GPHN: variants seen among roughly 807,000 people sequenced by gnomAD.
GPHN encodes gephyrin.
In GPHN, 17 loss-of-function variants were observed where a neutral mutation model predicts 95.5. The observed-to-expected ratio is 0.18, with a 90% confidence interval of 0.12 to 0.27. The LOEUF (loss-of-function observed/expected upper bound fraction) is 0.27, where lower values mean the gene tolerates loss of function less well. GPHN is among the 10% of genes least tolerant of loss of function. The pLI is 1.00. For missense variants in GPHN, 660 were observed against 978.1 expected, an observed-to-expected ratio of 0.67 and a Z score of 4.34; for synonymous variants, 320 against 322.5, an observed-to-expected ratio of 0.99 and a Z score of 0.08.
At chr14:66,780,365 C>T (rs1287307280) in intron 3 of GPHN, among the ~76,000 whole-genome samples, 3 of 151,916 alleles carry the variant, frequency 2.0e-5, no homozygotes, top group Non-Finnish European at 1.5e-5. Context: ...TGGAATCTCA[C>T]GGAAAAGTTA....
intron 13 of GPHN, among the ~76,000 whole-genome samples, chr14:67,108,209 G>T (rs912158576): frequency 6.6e-6 from 1 of 152,160 alleles, no homozygotes; most frequent in Non-Finnish European, 1.5e-5. Flanking sequence ...ATCTGTGGGA[G>T]AGGACTGCCC....
chr14:67,217,318 A>G, the GPHN span, among the ~76,000 whole-genome samples: 2 of 152,126 alleles, frequency 1.3e-5, no homozygotes, highest in Non-Finnish European at 2.9e-5. Flanking sequence ...AGTAAGTTTC[A>G]TGTAGGCAGC....
the GPHN span, among the ~76,000 whole-genome samples, chr14:67,564,690 T>C: frequency 1.3e-5 from 2 of 149,496 alleles, no homozygotes; most frequent in African/African-American, 5.0e-5. Context: ...TTTTTTCTTT[T>C]CCTTTTTTTT....
At chr14:66,618,813 G>T (rs573703312) in intron 1 of GPHN, among the ~76,000 whole-genome samples, 1 of 152,214 alleles carries the variant, frequency 6.6e-6, no homozygotes, top group African/African-American at 2.4e-5. Context: ...ATGGTTTTAT[G>T]TATTATTCAT....
intron 2 of GPHN, among the ~76,000 whole-genome samples, chr14:66,720,250 CA>C (rs2070611684): frequency 6.6e-6 from 1 of 152,070 alleles, no homozygotes; most frequent in Non-Finnish European, 1.5e-5. Flanking sequence ...GGAATATGTT[CA>C]AATTTAAAGT....
the GPHN span, among the ~76,000 whole-genome samples, chr14:67,622,783 G>A: frequency 5.3e-5 from 8 of 152,210 alleles, no homozygotes; most frequent in African/African-American, 1.4e-4. Context: ...TTGCTCTACC[G>A]TCTGTAGGTT....
At chr14:67,596,863 C>T in the GPHN span, among the ~76,000 whole-genome samples, 3 of 152,314 alleles carry the variant, frequency 2.0e-5, no homozygotes, top group South Asian at 4.1e-4. Context: ...ATGCTATATT[C>T]GGAACTGAGG....
intron 8 of GPHN, among the ~76,000 whole-genome samples, chr14:66,962,291 A>T (rs1199846795): frequency 6.7e-6 from 1 of 149,788 alleles, no homozygotes; most frequent in Non-Finnish European, 1.5e-5. Flanking sequence ...ACAACTGTAT[A>T]TCTGCAATAA....
At chr14:66,626,025 A>G (rs1307229099) in intron 1 of GPHN, among the ~76,000 whole-genome samples, 2 of 152,096 alleles carry the variant, frequency 1.3e-5, no homozygotes, top group African/African-American at 4.8e-5. Flanking sequence ...AAAACTTTTA[A>G]CTTCCTACCT....
At chr14:67,199,306 G>C in the GPHN span, 1 of 1,609,210 alleles carries the variant, frequency 6.2e-7, no homozygotes, top group Non-Finnish European at 8.5e-7. Context: ...TCTATGGGAA[G>C]CCAATACGGG....
rs75438525 is a variant in GPHN at position 66,600,435 on chromosome 14, A to G, written c.65-80672A>G. Among the ~76,000 whole-genome samples the G allele has an allele frequency of 1.4e-3, 211 of 152,260 alleles. 5 individuals are homozygous for G. The East Asian group carries it at 0.023, about 16-fold the overall frequency. The stretch of plus-strand genomic sequence containing the variant: ...TTTGTTCTGTGACGTAGCAGTGAAT[A>G]ATAAATTAGCTCTTACTGGAATTAC... On this transcript the variant is annotated intron_variant, in intron 1 of 22. Transcript: ENST00000478722.
chr14:67,228,266 T>C, the GPHN span: 1 of 208,898 alleles, frequency 4.8e-6, no homozygotes, highest in East Asian at 1.8e-4. Context: ...ATTTTTTATA[T>C]CAAGAAGAAA....
the GPHN span, among the ~76,000 whole-genome samples, chr14:67,379,882 C>T: frequency 6.6e-6 from 1 of 151,830 alleles, no homozygotes; most frequent in African/African-American, 2.4e-5. Context: ...TCTCGATCTC[C>T]TGACCTCGTG....
chr14:66,837,473 T>C (rs1404971569), intron 4 of GPHN, among the ~76,000 whole-genome samples: 8 of 142,754 alleles, frequency 5.6e-5, no homozygotes, highest in Middle Eastern at 3.3e-3. Context: ...AGGGATAGCA[T>C]TGGGAGATAT....
chr14:67,059,009 A>G (rs2075718544), intron 11 of GPHN: 1 of 543,836 alleles, frequency 1.8e-6, no homozygotes. Flanking sequence ...TTTCATTAAA[A>G]AAAGGAAAAA....
the GPHN span, chr14:67,620,995 G>A: frequency 6.2e-7 from 1 of 1,602,612 alleles, no homozygotes; most frequent in African/African-American, 1.3e-5. Flanking sequence ...AGATATTAGT[G>A]CAGGACTAGT....
At chr14:67,607,079 A>G in the GPHN span, among the ~76,000 whole-genome samples, 1 of 152,260 alleles carries the variant, frequency 6.6e-6, no homozygotes, top group African/African-American at 2.4e-5. Context: ...TCTCAGTTTT[A>G]GCAAGATTCT....
At chr14:66,983,045 A>G (rs549517396) in intron 9 of GPHN, among the ~76,000 whole-genome samples, 1 of 152,274 alleles carries the variant, frequency 6.6e-6, no homozygotes, top group South Asian at 2.1e-4. Context: ...TAAGGTCAGG[A>G]GTTCAAGAGC....
At chr14:67,257,939 T>G in the GPHN span, among the ~76,000 whole-genome samples, 2 of 152,170 alleles carry the variant, frequency 1.3e-5, no homozygotes, top group African/African-American at 4.8e-5. Context: ...GTAAAAACAT[T>G]GCTGTCACCA....
Sources: allele counts gnomAD v4.1 joint callset (sites outside exome capture counted in the v4.1 genomes callset), GRCh38; gene constraint gnomAD v4.1.1; transcripts MANE v1.5; gene names NCBI Gene and HGNC (gene_info 2026-07-23, HGNC 2026-07-21).